Variants in CSMD1 observed in about 807,000 individuals in gnomAD.
CSMD1 encodes the protein CUB and sushi domain-containing protein 1.
CSMD1 carries 213 observed loss-of-function variants against 417.5 expected under a neutral mutation model. The observed-to-expected ratio is 0.51, with a 90% CI of 0.46 to 0.57. CSMD1 has a LOEUF of 0.57. Ranked by LOEUF, CSMD1 falls within the 20% of genes least tolerant of loss-of-function variation. The pLI is 0.00. For synonymous variants in CSMD1, 2,862 were observed against 1,736.8 expected (o/e 1.65, Z -16.11); for missense variants, 6,923 against 4,529.7 (o/e 1.53, Z -15.17).
chr8:2,986,260 A>T (rs1805902514), intron 54 of CSMD1, among the ~76,000 whole-genome samples: 1 of 152,188 alleles, frequency 6.6e-6, no homozygotes, highest in Admixed American at 6.5e-5. Context: ...TTGGCCAAGC[A>T]TTGGTTTATC....
At chr8:4,549,524 C>A (rs1030095550) in intron 2 of CSMD1, among the ~76,000 whole-genome samples, 2 of 152,004 alleles carry the variant, frequency 1.3e-5, no homozygotes, top group African/African-American at 2.4e-5. Context: ...TTTGCAATTC[C>A]TCCCTACCCA....
At chr8:4,405,290 C>A (rs1183967992) in intron 3 of CSMD1, among the ~76,000 whole-genome samples, 2 of 152,148 alleles carry the variant, frequency 1.3e-5, no homozygotes, top group Admixed American at 6.5e-5. Context: ...ATTATCATAG[C>A]ATATTGAAAT....
At chr8:3,748,061 A>C (rs11992531) in intron 6 of CSMD1, among the ~76,000 whole-genome samples, 2,360 of 152,246 alleles carry the variant, frequency 0.016, 27 homozygotes, top group South Asian at 0.028. Flanking sequence ...GGCTAATCGT[A>C]AGTACTTAAT....
chr8:4,226,937 A>T (rs1365714670), intron 3 of CSMD1, among the ~76,000 whole-genome samples: 2 of 152,196 alleles, frequency 1.3e-5, no homozygotes, highest in African/African-American at 4.8e-5. Flanking sequence ...TTTTTATTTC[A>T]TAAGGCTGCT....
intron 3 of CSMD1, among the ~76,000 whole-genome samples, chr8:4,369,916 G>T (rs1242885058): frequency 6.6e-6 from 1 of 152,080 alleles, no homozygotes; most frequent in African/African-American, 2.4e-5. Context: ...TGTATTTTAT[G>T]CATTTAAAGT....
intron 2 of CSMD1, among the ~76,000 whole-genome samples, chr8:4,459,988 G>C (rs1478775809): frequency 1.3e-5 from 2 of 152,054 alleles, no homozygotes; most frequent in Non-Finnish European, 1.5e-5. Flanking sequence ...CATCAGACTA[G>C]ACAACCAAAA....
At chr8:4,807,972 A>T (rs1175330821) in intron 1 of CSMD1, among the ~76,000 whole-genome samples, 1 of 152,222 alleles carries the variant, frequency 6.6e-6, no homozygotes, top group Non-Finnish European at 1.5e-5. Flanking sequence ...TCACTTGGAA[A>T]AACTTCCCAA....
At chr8:3,577,940 C>G (rs1385865895) in intron 9 of CSMD1, among the ~76,000 whole-genome samples, 1 of 152,184 alleles carries the variant, frequency 6.6e-6, no homozygotes, top group Non-Finnish European at 1.5e-5. Context: ...AACAACCACC[C>G]TGTGGCTTGA....
intron 3 of CSMD1, among the ~76,000 whole-genome samples, chr8:4,343,121 C>T (rs1335218442): frequency 2.6e-5 from 4 of 151,974 alleles, no homozygotes; most frequent in Non-Finnish European, 2.9e-5. Flanking sequence ...TATAACTCTC[C>T]AAAACATAAA....
rs761477896 is a variant in CSMD1 at position 3,223,826 on chromosome 8, A to C, written c.4387T>G (p.Leu1463Val). ...GNLTGPAGVI[L>V]SPNYPQPYPP... ...TACGGCTGTGGGTAGTTGGGTGACA[A>C]AATAACACCTGCTGGGCCCGTCAGA... Residue 1463 changes from leucine (L) to valine (V), a missense_variant, in exon 28 of 70, where the codon TTG becomes GTG. Leu to Val is a conservative substitution (Grantham distance 32). Coordinates refer to ENST00000635120, the MANE Select transcript of CSMD1 (RefSeq NM_033225.6). 6.2e-7 allele frequency: 1 copy of C among 1,613,830 alleles called. No homozygotes were observed. The highest frequency in any genetic ancestry group is 1.3e-5 in the African/African-American group (1 of 74,934).
At chr8:4,720,329 C>A (rs1463373243) in intron 1 of CSMD1, among the ~76,000 whole-genome samples, 1 of 152,002 alleles carries the variant, frequency 6.6e-6, no homozygotes, top group East Asian at 1.9e-4. Context: ...TCTATTGCAC[C>A]AGAATAACAT....
chr8:4,423,679 G>A (rs373758008), intron 2 of CSMD1, among the ~76,000 whole-genome samples: 2 of 151,838 alleles, frequency 1.3e-5, no homozygotes, highest in Admixed American at 6.6e-5. Flanking sequence ...ATCCCAGCAA[G>A]AATTTTTGGG....
At chr8:4,861,792 T>C (rs545594026) in intron 1 of CSMD1, among the ~76,000 whole-genome samples, 2 of 152,098 alleles carry the variant, frequency 1.3e-5, no homozygotes, top group Admixed American at 1.3e-4. Flanking sequence ...CTAAATAACT[T>C]TTTGCTCAAA....
At position 3,367,022 on chromosome 8, in the gene CSMD1, A is replaced by G; in HGVS notation, c.3115+10T>C. The G allele has an allele frequency of 1.2e-6, 2 of 1,605,808 alleles. No homozygotes were observed. Among genetic ancestry groups the G allele is most frequent in the Non-Finnish European group, 1.7e-6 (2 of 1,173,278 alleles). On this transcript the variant is annotated intron_variant, in intron 20 of 69. Transcript: ENST00000635120. Reference sequence around the variant, plus strand: ...CCAGAGGAGAGAAACAGCAAACAAGACCAACATACCTGAAAATGTGATATT... The same window carrying G: ...CCAGAGGAGAGAAACAGCAAACAAGGCCAACATACCTGAAAATGTGATATT...
chr8:3,774,858 T>A (rs193025833), intron 5 of CSMD1, among the ~76,000 whole-genome samples: 9 of 152,290 alleles, frequency 5.9e-5, no homozygotes, highest in Admixed American at 5.2e-4. Context: ...AGTGGATGCC[T>A]GAAACCACAC....
intron 36 of CSMD1, among the ~76,000 whole-genome samples, chr8:3,182,524 T>C (rs1035232660): frequency 1.5e-4 from 23 of 150,818 alleles, no homozygotes; most frequent in African/African-American, 5.6e-4. Flanking sequence ...CCCCAAGAGA[T>C]TTGATCAGAC....
intron 3 of CSMD1, among the ~76,000 whole-genome samples, chr8:4,351,619 G>A (rs1229026406): frequency 6.6e-6 from 1 of 152,198 alleles, no homozygotes; most frequent in East Asian, 1.9e-4. Flanking sequence ...TGTTGTGGGA[G>A]TGAGAAAGGA....
Position 4,572,001 on chromosome 8 carries a change from G to C in CSMD1, c.302+65341C>G, listed in dbSNP as rs575669743. On this transcript the variant is annotated intron_variant, in intron 2 of 69. Coordinates refer to ENST00000635120, the MANE Select transcript of CSMD1 (RefSeq NM_033225.6). ...AAATATTCCCCCATCCCTTTATTTG[G>C]AGCCTATGTGTGTCTTCGCACATGA... Among the ~76,000 whole-genome samples, 71 of 152,162 alleles carry C rather than the reference G, an allele frequency of 4.7e-4. 1 individual carries two copies. The highest frequency in any genetic ancestry group is 1.7e-3 in the African/African-American group (69 of 41,500).
intron 2 of CSMD1, among the ~76,000 whole-genome samples, chr8:4,606,457 G>A (rs1800872614): frequency 6.6e-6 from 1 of 152,116 alleles, no homozygotes. Flanking sequence ...TTCCTGCTGT[G>A]ATTACAACAT....
Sources: allele counts gnomAD v4.1 joint callset (sites outside exome capture counted in the v4.1 genomes callset), GRCh38; gene constraint gnomAD v4.1.1; transcripts MANE v1.5; gene names NCBI Gene and HGNC (gene_info 2026-07-23, HGNC 2026-07-21).